The following DGKG variants were observed in gnomAD, a reference collection of about 807,000 sequenced individuals.
DGKG encodes DAG kinase gamma.
DGKG carries 78 observed loss-of-function variants against 105.3 expected under a neutral mutation model. The observed-to-expected ratio is 0.74, with a 90% CI of 0.62 to 0.89. The LOEUF (loss-of-function observed/expected upper bound fraction) is 0.89. Among genes scored for constraint, DGKG ranks in the 40% least tolerant of loss-of-function variants. The pLI is 0.00. For missense variants in DGKG, 958 were observed against 1,020.1 expected, an observed-to-expected ratio of 0.94 and a Z score of 0.83; for synonymous variants, 346 against 367.1, an observed-to-expected ratio of 0.94 and a Z score of 0.66.
intron 22 of DGKG, among the ~76,000 whole-genome samples, chr3:186,166,768 A>G (rs1716568799): frequency 1.3e-5 from 2 of 151,604 alleles, no homozygotes; most frequent in South Asian, 4.2e-4. Context: ...GATAGGAGAG[A>G]GGGGGAGAAA....
intron 5 of DGKG, among the ~76,000 whole-genome samples, chr3:186,295,496 G>A (rs113101578): frequency 0.051 from 6,752 of 131,810 alleles, 498 homozygotes; most frequent in African/African-American, 0.17. Flanking sequence ...GCGAGACTCC[G>A]TCTCAAAATA....
rs1475766155 is a variant in DGKG at position 186,362,178 on chromosome 3, T to G, written c.-481A>C. 6.6e-6 allele frequency: 1 copy of G among 152,274 alleles called. No homozygotes were observed. The highest frequency in any genetic ancestry group is 2.4e-5 in the African/African-American group (1 of 41,428). The allele number at this position is 152,274 out of a possible 1,614,324, so 9.4% of individuals were successfully genotyped here. A position where few individuals can be genotyped will look rare whatever the true frequency, so the allele number is the denominator to read the frequency against. On this transcript the variant is annotated 5_prime_UTR_variant, in exon 1 of 25. Coordinates refer to ENST00000265022, the MANE Select transcript of DGKG (RefSeq NM_001346.3). The stretch of plus-strand genomic sequence containing the variant: ...TAGCGCCGGGGTCTTCACCCTGTGC[T>G]CGGAGTTCAGCAGCTCCAAAGCTGT...
intron 1 of DGKG, among the ~76,000 whole-genome samples, chr3:186,329,432 G>A (rs1010090291): frequency 1.3e-5 from 2 of 152,048 alleles, no homozygotes; most frequent in Non-Finnish European, 1.5e-5. Context: ...TTGCACCCTG[G>A]GTCTCTCTAT....
At chr3:186,294,842 A>G (rs1028073323) in intron 5 of DGKG, among the ~76,000 whole-genome samples, 3 of 152,172 alleles carry the variant, frequency 2.0e-5, no homozygotes, top group Non-Finnish European at 2.9e-5. Flanking sequence ...CGTGCTGGGC[A>G]GGGCATGGAC....
Position 186,279,889 on chromosome 3 carries a change from T to C in DGKG, c.754A>G (p.Thr252Ala). The C allele has an allele frequency of 1.2e-6, 2 of 1,613,912 alleles. No homozygotes were observed. Among genetic ancestry groups the C allele is most frequent in the Non-Finnish European group, 1.7e-6 (2 of 1,179,850 alleles). The change falls in exon 9 of 25, where the codon ACC becomes GCC. Residue 252 changes from threonine (T) to alanine (A), a missense_variant. By Grantham distance (58) the Thr-to-Ala change is moderately conservative. Transcript: ENST00000265022. The stretch of plus-strand genomic sequence containing the variant: ...CCCAGGAGGACCAGCAATGGGATGG[T>C]GGTCATCCCTCCATGGACCCATTCC... ...LQEWVHGGMT[T>A]IPLLVLLGMD...
chr3:186,355,179 T>TCGTCAACTCCCCA (rs1430814661), intron 1 of DGKG, among the ~76,000 whole-genome samples: 2,410 of 28,282 alleles, frequency 0.085, 98 homozygotes, highest in African/African-American at 0.28. Context: ...CCCACAACTA[T>TCGTCAACTCCCCA]CACCACCACC....
At chr3:186,352,176 T>C (rs576239562) in intron 1 of DGKG, among the ~76,000 whole-genome samples, 1 of 152,258 alleles carries the variant, frequency 6.6e-6, no homozygotes, top group African/African-American at 2.4e-5. Flanking sequence ...AGCTCTAATA[T>C]GGAAGATGGG....
At chr3:186,208,970 A>G (rs1223157208) in intron 21 of DGKG, among the ~76,000 whole-genome samples, 1 of 152,168 alleles carries the variant, frequency 6.6e-6, no homozygotes, top group Non-Finnish European at 1.5e-5. Flanking sequence ...CCTCATTTTT[A>G]AAATGTGATA....
intron 2 of DGKG, among the ~76,000 whole-genome samples, chr3:186,316,697 G>A (rs1724834874): frequency 6.6e-6 from 1 of 152,100 alleles, no homozygotes; most frequent in Non-Finnish European, 1.5e-5. Context: ...CCTATAGAAG[G>A]TCACCAGAGA....
At chr3:186,150,283 A>T (rs1255231477) in intron 24 of DGKG, 95 bp from the exon 25 acceptor site, 1 of 1,452,558 alleles carries the variant, frequency 6.9e-7, no homozygotes, top group Non-Finnish European at 9.2e-7. Flanking sequence ...CAGCTTCAGG[A>T]TGGAAGGAGC....
chr3:186,257,697 TCC>T, intron 17 of DGKG, 155 bp downstream of exon 17: 4 of 553,174 alleles, frequency 7.2e-6, no homozygotes, highest in South Asian at 2.3e-5. Context: ...TTTTTTTTTT[TCC>T]ACCCAAAGCA....
rs114334194 is a variant in DGKG, at chr3:186,210,646, C to T, written c.1917+1149G>A. On this transcript the variant is annotated intron_variant, in intron 21 of 24. Transcript: ENST00000265022. The surrounding 1 kb of genome is among the most constrained non-coding windows in gnomAD (Gnocchi z 5.2). ...TGAGTGAGGAGCACAGGGGCCCTTC[C>T]GGCAGGGAGGGGCAGGGCTTTCCTA... 2.7e-3 allele frequency: 1,224 copies of T among 453,988 alleles called. 16 individuals are homozygous for T. The highest frequency in any genetic ancestry group is 0.021 in the African/African-American group (1,050 of 50,092). The allele number at this position is 453,988 out of a possible 1,614,324, so 28.1% of individuals were successfully genotyped here. A position where few individuals can be genotyped will look rare whatever the true frequency, so the allele number is the denominator to read the frequency against.
intron 10 of DGKG, among the ~76,000 whole-genome samples, chr3:186,274,555 A>T (rs1722487668): frequency 9.7e-6 from 1 of 103,504 alleles, no homozygotes; most frequent in Non-Finnish European, 1.8e-5. Context: ...ACCCCACGAC[A>T]GGCCCCAGTG....
intron 20 of DGKG, among the ~76,000 whole-genome samples, chr3:186,234,172 C>T (rs764125273): frequency 6.6e-6 from 1 of 152,256 alleles, no homozygotes; most frequent in Non-Finnish European, 1.5e-5. Context: ...AACACAATTC[C>T]TGCTTTATAC....
chr3:186,311,859 G>A (rs575412178), intron 2 of DGKG, among the ~76,000 whole-genome samples: 2 of 129,552 alleles, frequency 1.5e-5, no homozygotes, highest in African/African-American at 9.7e-5. Flanking sequence ...GCTCACGCCT[G>A]TAATCCCAGC....
At chr3:186,169,756 G>T (rs1716733538) in intron 22 of DGKG, among the ~76,000 whole-genome samples, 1 of 152,216 alleles carries the variant, frequency 6.6e-6, no homozygotes, top group Non-Finnish European at 1.5e-5. Flanking sequence ...CCTGCAGTTT[G>T]ACTTAGATGC....
intron 22 of DGKG, among the ~76,000 whole-genome samples, chr3:186,170,490 T>C (rs2108485393): frequency 6.6e-6 from 1 of 152,352 alleles, no homozygotes; most frequent in Admixed American, 6.5e-5. Flanking sequence ...GAGGCGTACT[T>C]AAGTTTGAGA....
At chr3:186,336,350 A>C (rs373997091) in intron 1 of DGKG, among the ~76,000 whole-genome samples, 6 of 152,346 alleles carry the variant, frequency 3.9e-5, no homozygotes, top group Middle Eastern at 3.4e-3. Context: ...GAAAATTAAG[A>C]AAAAGATCCA....
At chr3:186,353,827 A>G (rs2108676311) in intron 1 of DGKG, among the ~76,000 whole-genome samples, 1 of 152,226 alleles carries the variant, frequency 6.6e-6, no homozygotes, top group African/African-American at 2.4e-5. Flanking sequence ...TATTGGTTAA[A>G]CGATGGAGCA....
Sources: allele counts gnomAD v4.1 joint callset (sites outside exome capture counted in the v4.1 genomes callset), GRCh38; gene constraint gnomAD v4.1.1; non-coding constraint Gnocchi (gnomAD v3.1); transcripts MANE v1.5; gene names NCBI Gene and HGNC (gene_info 2026-07-23, HGNC 2026-07-21).